Variants in DLGAP1 observed in about 807,000 individuals in gnomAD.
DLGAP1 encodes the protein DLG associated protein 1.
In DLGAP1, 11 loss-of-function variants were observed where a neutral mutation model predicts 90.8. The observed-to-expected ratio is 0.12, with a 90% confidence interval of 0.08 to 0.20. The LOEUF (loss-of-function observed/expected upper bound fraction) is 0.20, where lower values mean the gene tolerates loss of function less well. Ranked by LOEUF, DLGAP1 falls within the 10% of genes least tolerant of loss-of-function variation. The pLI is 1.00. For missense variants in DLGAP1, 1,050 were observed against 1,333.8 expected (o/e 0.79, Z 3.31); for synonymous variants, 558 against 540.7 (o/e 1.03, Z -0.44).
At chr18:4,422,741 T>C (rs190072004) in intron 1 of DLGAP1, among the ~76,000 whole-genome samples, 2 of 152,224 alleles carry the variant, frequency 1.3e-5, no homozygotes, top group African/African-American at 4.8e-5. Flanking sequence ...GCATTATCCA[T>C]GTATTGTCCT....
At chr18:4,432,477 G>GAAATA (rs2083304536) in intron 1 of DLGAP1, among the ~76,000 whole-genome samples, 1 of 51,242 alleles carries the variant, frequency 2.0e-5, no homozygotes. Flanking sequence ...ACTAGATATT[G>GAAATA]AAATAAATTT....
intron 9 of DLGAP1, among the ~76,000 whole-genome samples, chr18:3,558,503 G>A (rs147709650): frequency 6.6e-6 from 1 of 152,144 alleles, no homozygotes; most frequent in African/African-American, 2.4e-5. Flanking sequence ...AAAGTGCTAG[G>A]ATTACAGGTA....
chr18:4,341,803 T>C (rs760593234), intron 1 of DLGAP1, among the ~76,000 whole-genome samples: 1 of 152,202 alleles, frequency 6.6e-6, no homozygotes, highest in African/African-American at 2.4e-5. Context: ...AGCTCTTACT[T>C]GGAAGAATGT....
rs2060726805 is a variant in DLGAP1 at position 3,687,013 on chromosome 18, T to C, written c.1591+42122A>G. Among the ~76,000 whole-genome samples, 3 of 152,220 alleles carry C rather than the reference T, an allele frequency of 2.0e-5. 1 individual carries two copies. In the South Asian group the frequency reaches 6.2e-4, roughly 32 times the overall value. On this transcript the variant is annotated intron_variant, in intron 7 of 12. Coordinates refer to ENST00000315677, the MANE Select transcript of DLGAP1 (RefSeq NM_004746.4). ...AGGCTAAGAAAGACTCAGTGAACCA[T>C]TGCTGGCTTTGAAGATGGAAGGGGC...
chr18:4,012,653 A>G (rs921058919), intron 2 of DLGAP1, among the ~76,000 whole-genome samples: 1 of 151,138 alleles, frequency 6.6e-6, no homozygotes, highest in African/African-American at 2.4e-5. Flanking sequence ...TGTATTTGAC[A>G]TTTGTCTTTT....
intron 7 of DLGAP1, among the ~76,000 whole-genome samples, chr18:3,586,887 G>A (rs1568248281): frequency 6.6e-6 from 1 of 152,170 alleles, no homozygotes. Context: ...CCACTGAGAA[G>A]GTCTGAGCAC....
chr18:3,758,245 G>A (rs1275466489), intron 5 of DLGAP1, among the ~76,000 whole-genome samples: 2 of 152,000 alleles, frequency 1.3e-5, no homozygotes, highest in African/African-American at 4.8e-5. Flanking sequence ...AATACCCAAC[G>A]TATTCAAACC....
intron 1 of DLGAP1, among the ~76,000 whole-genome samples, chr18:4,258,020 C>CGT (rs2078931364): frequency 6.8e-6 from 1 of 146,588 alleles, no homozygotes. Context: ...TGCGCGCGCG[C>CGT]GCGTATAACC....
rs2054353301 is a variant in DLGAP1 at position 3,565,112 on chromosome 18, A to C, written c.2057+2378T>G. 6.6e-6 allele frequency among the ~76,000 whole-genome samples: 1 copy of C among 152,150 alleles called. No homozygotes were observed. Among genetic ancestry groups the C allele is most frequent in the Admixed American group, 6.6e-5 (1 of 15,264 alleles). On this transcript the variant is annotated intron_variant, in intron 9 of 12. Transcript: ENST00000315677. The surrounding 1 kb of genome is among the most constrained non-coding windows in gnomAD (Gnocchi z 4.0). ...GCTGTCAACCACTACATCGTTGAGAAAAGGCACCAAGCTGGGCTGGTGGGA... is the reference window on the plus strand; with the variant it reads ...GCTGTCAACCACTACATCGTTGAGACAAGGCACCAAGCTGGGCTGGTGGGA...
At chr18:4,186,411 T>C (rs1178743981) in intron 1 of DLGAP1, among the ~76,000 whole-genome samples, 2 of 152,122 alleles carry the variant, frequency 1.3e-5, no homozygotes, top group Non-Finnish European at 2.9e-5. Flanking sequence ...AGTTTTGGCT[T>C]TTACATTTAA....
chr18:4,324,360 T>G (rs2080767074), intron 1 of DLGAP1, among the ~76,000 whole-genome samples: 3 of 150,910 alleles, frequency 2.0e-5, no homozygotes, highest in Admixed American at 1.3e-4. Context: ...ACTCTGAAAT[T>G]GAATCAGTCA....
chr18:4,074,334 T>A (rs2075493790), intron 2 of DLGAP1, among the ~76,000 whole-genome samples: 1 of 152,082 alleles, frequency 6.6e-6, no homozygotes, highest in Admixed American at 6.6e-5. Flanking sequence ...TGATTATACA[T>A]CATCTAAGGG....
In DLGAP1 at chr18:3,565,607, G is replaced by T. The variant is rs1340287274; in HGVS notation, c.2057+1883C>A. ...TCCCAGCACTTTGGGAAGCCAAGGC[G>T]GGTGGATCACAAGGTCAAGATGATC... On this transcript the variant is annotated intron_variant, in intron 9 of 12. Coordinates refer to ENST00000315677, the MANE Select transcript of DLGAP1 (RefSeq NM_004746.4). The surrounding 1 kb of genome is among the most constrained non-coding windows in gnomAD (Gnocchi z 4.0). Among the ~76,000 whole-genome samples the T allele has an allele frequency of 6.6e-6, 1 of 151,988 alleles. No individual in the cohort carries two copies. The highest frequency in any genetic ancestry group is 2.4e-5 in the African/African-American group (1 of 41,410).
At chr18:4,239,628 A>G (rs2078488685) in intron 1 of DLGAP1, among the ~76,000 whole-genome samples, 1 of 152,214 alleles carries the variant, frequency 6.6e-6, no homozygotes, top group African/African-American at 2.4e-5. Context: ...ATTCAGGGTA[A>G]GTGGCTCTGG....
intron 4 of DLGAP1, among the ~76,000 whole-genome samples, chr18:3,844,158 A>G (rs543466033): frequency 1.3e-5 from 2 of 152,290 alleles, no homozygotes; most frequent in Non-Finnish European, 2.9e-5. Context: ...TAGGAGGAAC[A>G]TTTTCTATTT....
At chr18:3,626,813 A>G (rs12954455) in intron 7 of DLGAP1, among the ~76,000 whole-genome samples, 58,253 of 151,180 alleles carry the variant, frequency 0.39, 11,964 homozygotes, top group East Asian at 0.52. Context: ...CAGGAGAATC[A>G]TTTGAACCCG....
At chr18:3,845,090 T>C in intron 4 of DLGAP1, 1 of 1,041,654 alleles carries the variant, frequency 9.6e-7, no homozygotes, top group Non-Finnish European at 1.4e-6. Context: ...TTTATAAAAT[T>C]GTTCATCCCC....
rs141427124 is a variant in DLGAP1 at position 4,008,256 on chromosome 18, C to T, written c.-158-3055G>A. Among the ~76,000 whole-genome samples the T allele has an allele frequency of 1.7e-3, 252 of 151,544 alleles. 1 individual carries two copies. The highest frequency in any genetic ancestry group is 6.0e-3 in the African/African-American group (246 of 40,912). ...ACACACACACACACACACACTCACA[C>T]ACACATATACACCAAGTAACAACAA... On this transcript the variant is annotated intron_variant, in intron 2 of 12. Transcript: ENST00000315677.
At chr18:4,350,070 T>C (rs534123624) in intron 1 of DLGAP1, among the ~76,000 whole-genome samples, 1 of 152,296 alleles carries the variant, frequency 6.6e-6, no homozygotes, top group Non-Finnish European at 1.5e-5. Context: ...TTGCACTTCT[T>C]CATAAAACAA....
Sources: allele counts gnomAD v4.1 joint callset (sites outside exome capture counted in the v4.1 genomes callset), GRCh38; gene constraint gnomAD v4.1.1; non-coding constraint Gnocchi (gnomAD v3.1); transcripts MANE v1.5; gene names NCBI Gene and HGNC (gene_info 2026-07-23, HGNC 2026-07-21).